Variants in FCGR2B observed in about 807,000 individuals in gnomAD.
FCGR2B encodes the protein low affinity immunoglobulin gamma Fc region receptor II-b.
FCGR2B carries 18 observed loss-of-function variants against 24.8 expected under a neutral mutation model. The ratio of observed to expected loss-of-function variants is 0.73; its 90% confidence interval spans 0.50 to 1.08. FCGR2B has a LOEUF of 1.08. Among genes scored for constraint, FCGR2B ranks in the 50% least tolerant of loss-of-function variants. The pLI is 0.00. For missense variants in FCGR2B, 215 were observed against 297.6 expected (o/e 0.72, Z 2.04); for synonymous variants, 79 against 109.8 (o/e 0.72, Z 1.75).
intron 5 of FCGR2B, 92 bp from the exon 6 acceptor site, chr1:161,675,165 G>A (rs7532925): frequency 0.097 from 81,065 of 831,914 alleles, 4,458 homozygotes; most frequent in East Asian, 0.16. Flanking sequence ...GAAGGCCTGA[G>A]CTGGTCCCAT....
the FCGR2B span, among the ~76,000 whole-genome samples, chr1:161,650,074 C>G: frequency 2.0e-5 from 3 of 150,380 alleles, no homozygotes; most frequent in Admixed American, 6.7e-5. Context: ...GTGGCATGAT[C>G]TCTGTTCACT....
rs545068373 is a variant in FCGR2B, at chr1:161,672,956, G to A, written c.392-19G>A. The A allele has an allele frequency of 8.7e-6, 14 of 1,613,664 alleles. No homozygotes were observed. Among genetic ancestry groups the A allele is most frequent in the African/African-American group, 4.0e-5 (3 of 74,950 alleles). ...AGCCAAGACCTCCCGGGTCCTCTGC[G>A]GTTTTTTGTGTCTTTCAGAGTGGCT... On this transcript the variant is annotated intron_variant, in intron 3 of 7. Transcript: ENST00000358671.
the FCGR2B span, among the ~76,000 whole-genome samples, chr1:161,648,993 G>A: frequency 6.6e-6 from 1 of 150,766 alleles, no homozygotes; most frequent in African/African-American, 2.5e-5. Context: ...ATGTATATTT[G>A]GGAGATTAAT....
chr1:161,648,596 T>C, the FCGR2B span, among the ~76,000 whole-genome samples: 1 of 151,238 alleles, frequency 6.6e-6, no homozygotes, highest in Non-Finnish European at 1.5e-5. Context: ...TAGTTTTTTA[T>C]GTATTTTAGA....
intron 1 of FCGR2B, among the ~76,000 whole-genome samples, chr1:161,669,708 C>T (rs1681525199): frequency 7.7e-6 from 1 of 130,256 alleles, no homozygotes; most frequent in African/African-American, 2.7e-5. Context: ...AGAGTATATC[C>T]TCATTTACAC....
At chr1:161,655,843 TTTTATTTA>T in the FCGR2B span, among the ~76,000 whole-genome samples, 9 of 55,594 alleles carry the variant, frequency 1.6e-4, no homozygotes, top group African/African-American at 3.8e-4. Context: ...TTTCCTCAAT[TTTTATTTA>T]TTTATTTATT....
the FCGR2B span, among the ~76,000 whole-genome samples, chr1:161,649,883 C>T: frequency 1.3e-5 from 2 of 149,808 alleles, no homozygotes; most frequent in Non-Finnish European, 3.0e-5. Context: ...CGTGCAAGAA[C>T]TTTATTGATT....
intron 6 of FCGR2B, 99 bp downstream of exon 6, chr1:161,675,412 C>A: frequency 2.4e-6 from 2 of 817,710 alleles, no homozygotes; most frequent in Non-Finnish European, 1.9e-6. Flanking sequence ...CAGCTGGGAG[C>A]CAGGGAGGGA....
chr1:161,671,252 C>T, intron 2 of FCGR2B, 140 bp from the exon 3 acceptor site: 1 of 1,412,066 alleles, frequency 7.1e-7, no homozygotes, highest in Non-Finnish European at 9.6e-7. Flanking sequence ...CAACTGCCTT[C>T]AGTTGCAGAA....
Position 161,671,338 on chromosome 1 carries a change from C to G in FCGR2B, c.134-54C>G. ...CTTTTTTGTCTGAGATTCAGGGCCT[C>G]TCAAGCTCCTGGGCTTCCTCTTCTT... is the stretch of plus-strand genomic sequence containing the variant. On this transcript the variant is annotated intron_variant, in intron 2 of 7. Coordinates refer to ENST00000358671, the MANE Select transcript of FCGR2B (RefSeq NM_001394477.1). The G allele has an allele frequency of 3.1e-6, 5 of 1,613,766 alleles. No individual in the cohort carries two copies. In the Admixed American group the frequency reaches 5.0e-5, roughly 16 times the overall value.
At chr1:161,653,653 CT>C in the FCGR2B span, among the ~76,000 whole-genome samples, 3 of 137,072 alleles carry the variant, frequency 2.2e-5, no homozygotes, top group African/African-American at 7.7e-5. Flanking sequence ...GGGACTTTAA[CT>C]TTGCTGAAGA....
chr1:161,672,561 G>C (rs10917663), intron 3 of FCGR2B: 1 of 277,176 alleles, frequency 3.6e-6, no homozygotes, highest in Admixed American at 5.0e-5. Flanking sequence ...TATCATATGC[G>C]GACTCCTCGG....
In FCGR2B at chr1:161,677,808, C is replaced by G. The variant is rs1333153836; in HGVS notation, c.*255C>G. 4.2e-6 allele frequency: 2 copies of G among 477,992 alleles called. No homozygotes were observed. Among genetic ancestry groups the G allele is most frequent in the Non-Finnish European group, 7.4e-6 (2 of 271,650 alleles). 29.6% of individuals were successfully genotyped at this position (477,992 alleles called of 1,614,324 possible). A position where few individuals can be genotyped will look rare whatever the true frequency, so the allele number is the denominator to read the frequency against. ...AAGGCTCTTCCGTTCCACATCCACA[C>G]AGCCAATCCAATTAATCAAACCACT... On this transcript the variant is annotated 3_prime_UTR_variant, in exon 8 of 8. Coordinates refer to ENST00000358671, the MANE Select transcript of FCGR2B (RefSeq NM_001394477.1).
chr1:161,673,537 C>A (rs1674777), intron 4 of FCGR2B: 8 of 711,332 alleles, frequency 1.1e-5, no homozygotes, highest in Non-Finnish European at 1.8e-5. Context: ...CTGGGCATTC[C>A]TAAGAACTGA....
At chr1:161,676,432 G>A (rs899028315) in intron 6 of FCGR2B, 1 of 180,712 alleles carries the variant, frequency 5.5e-6, no homozygotes, top group Non-Finnish European at 1.2e-5. Context: ...ATCTTGTTGT[G>A]TGGTTCTGTC....
At chr1:161,671,756 T>C in intron 3 of FCGR2B, 107 bp downstream of exon 3, 1 of 1,570,982 alleles carries the variant, frequency 6.4e-7, no homozygotes. Flanking sequence ...TACTGGGAAG[T>C]ATCGCTGTGA....
intron 6 of FCGR2B, 128 bp from the exon 7 acceptor site, chr1:161,677,200 C>T: frequency 1.1e-6 from 1 of 878,056 alleles, no homozygotes; most frequent in East Asian, 2.4e-5. Flanking sequence ...GGCCTAGAGG[C>T]CCAAGACAGG....
At chr1:161,649,459 C>T in the FCGR2B span, among the ~76,000 whole-genome samples, 1 of 151,092 alleles carries the variant, frequency 6.6e-6, no homozygotes, top group Non-Finnish European at 1.5e-5. Context: ...CTGCTGTCAT[C>T]TTCATTGTGA....
At chr1:161,647,383 C>G in the FCGR2B span, among the ~76,000 whole-genome samples, 1 of 149,024 alleles carries the variant, frequency 6.7e-6, no homozygotes, top group South Asian at 2.1e-4. Context: ...TCACTGCAAC[C>G]CCCGCCTGCC....
Sources: gnomAD v4.1 joint callset for allele counts (sites outside exome capture counted in the v4.1 genomes callset) on GRCh38, gnomAD v4.1.1 for gene constraint, MANE v1.5 for transcripts, NCBI Gene and HGNC (gene_info 2026-07-23, HGNC 2026-07-21) for gene names.